GARNL3: variants seen among roughly 807,000 people sequenced by gnomAD.
The protein encoded by GARNL3 is GTPase activating Rap/RanGAP domain like 3.
Under a neutral mutation model 125.0 loss-of-function variants are expected in GARNL3, and 63 were observed. The ratio of observed to expected loss-of-function variants is 0.50; its 90% confidence interval spans 0.41 to 0.62. The LOEUF is 0.62. Among genes scored for constraint, GARNL3 ranks in the 20% least tolerant of loss-of-function variants. GARNL3 has a pLI of 0.00. For synonymous variants in GARNL3, 439 were observed against 457.5 expected, an observed-to-expected ratio of 0.96 and a Z score of 0.52; for missense variants, 994 against 1,244.0, an observed-to-expected ratio of 0.80 and a Z score of 3.02.
chr9:127,359,512 C>G (rs1188439915), intron 21 of GARNL3, among the ~76,000 whole-genome samples: 1 of 152,050 alleles, frequency 6.6e-6, no homozygotes, highest in Non-Finnish European at 1.5e-5. Context: ...AGTTCTCACC[C>G]CCTTCTTCCT....
At chr9:127,377,223 A>G (rs923275111) in intron 22 of GARNL3, among the ~76,000 whole-genome samples, 3 of 152,242 alleles carry the variant, frequency 2.0e-5, no homozygotes, top group Non-Finnish European at 4.4e-5. Flanking sequence ...AATACAACAG[A>G]ATAAAGTCCA....
chr9:127,260,313 G>A (rs1414575360), upstream of GARNL3, among the ~76,000 whole-genome samples: 2 of 152,216 alleles, frequency 1.3e-5, no homozygotes, highest in East Asian at 3.9e-4. Context: ...AGCATTGTTT[G>A]TGGACCGCCT....
intron 1 of GARNL3, among the ~76,000 whole-genome samples, chr9:127,238,661 T>G (rs896848367): frequency 5.9e-5 from 9 of 152,232 alleles, no homozygotes; most frequent in Admixed American, 5.2e-4. Context: ...TCCTACCTTA[T>G]TCTGGGATAT....
rs137954051 is a variant in GARNL3 at position 127,324,995 on chromosome 9, T to G, written c.568-74T>G. Reference sequence around the variant, plus strand: ...ATGTCAGTGTGAGCAAACCAAAGCTTGGCTTTCACAGCAAGTCAAAATGAA... The same window carrying G: ...ATGTCAGTGTGAGCAAACCAAAGCTGGGCTTTCACAGCAAGTCAAAATGAA... On this transcript the variant is annotated intron_variant, in intron 6 of 27. Coordinates refer to ENST00000373387, the MANE Select transcript of GARNL3 (RefSeq NM_032293.5). 170 of 1,427,768 alleles carry G rather than the reference T, an allele frequency of 1.2e-4. No individual in the cohort carries two copies. The East Asian group carries it at 3.7e-3, about 31-fold the overall frequency. The allele number at this position is 1,427,768 out of a possible 1,614,324, so 88.4% of individuals were successfully genotyped here.
At chr9:127,319,099 G>C (rs2065321449) in intron 5 of GARNL3, among the ~76,000 whole-genome samples, 1 of 152,112 alleles carries the variant, frequency 6.6e-6, no homozygotes, top group African/African-American at 2.4e-5. Flanking sequence ...GTGTTCCCAG[G>C]TGACACCTAA....
chr9:127,383,395 T>C (rs1456036574), intron 22 of GARNL3, 43 bp from the exon 23 acceptor site: 1 of 1,207,018 alleles, frequency 8.3e-7, no homozygotes, highest in Non-Finnish European at 1.2e-6. Flanking sequence ...GTCATCTAAG[T>C]GTTGTCTCTA....
At chr9:127,283,686 A>C (rs184883454) in intron 1 of GARNL3, among the ~76,000 whole-genome samples, 1 of 152,200 alleles carries the variant, frequency 6.6e-6, no homozygotes, top group East Asian at 1.9e-4. Flanking sequence ...TAAAAAATAA[A>C]ATTTAATTTA....
intron 16 of GARNL3, among the ~76,000 whole-genome samples, chr9:127,346,138 A>G (rs1270775610): frequency 6.6e-6 from 1 of 152,196 alleles, no homozygotes; most frequent in Admixed American, 6.5e-5. Context: ...GGGGGTAAAA[A>G]CTAGGTGATC....
At chr9:127,351,494 A>G (rs1424675288) in intron 17 of GARNL3, among the ~76,000 whole-genome samples, 2 of 151,902 alleles carry the variant, frequency 1.3e-5, no homozygotes, top group African/African-American at 4.8e-5. Context: ...AAGAAGAAGA[A>G]TCTTCAGGGC....
chr9:127,386,164 G>A (rs1832532449), intron 24 of GARNL3, among the ~76,000 whole-genome samples: 1 of 152,076 alleles, frequency 6.6e-6, no homozygotes, highest in Non-Finnish European at 1.5e-5. Context: ...TTTTACACTT[G>A]GAGTTATATC....
Position 127,380,397 on chromosome 9 carries a change from A to G in GARNL3, c.2162-3041A>G, listed in dbSNP as rs143940307. 2.9e-3 allele frequency among the ~76,000 whole-genome samples: 435 copies of G among 152,352 alleles called. 5 individuals carry two copies. The East Asian group carries it at 0.054, about 19-fold the overall frequency. ...GATACAAAGTATTTAACAGTAAATA[A>G]CATTCTGAATAAAATAAAATCATGT... is the stretch of plus-strand genomic sequence containing the variant. On this transcript the variant is annotated intron_variant, in intron 22 of 27. Coordinates refer to ENST00000373387, the MANE Select transcript of GARNL3 (RefSeq NM_032293.5).
In GARNL3 at chr9:127,362,642, T is replaced by C. The variant is rs372497757; in HGVS notation, c.2095-2658T>C. 7.9e-5 allele frequency: 12 copies of C among 152,372 alleles called. No homozygotes were observed. In the East Asian group the frequency reaches 1.4e-3, roughly 17 times the overall value. 9.4% of individuals were successfully genotyped at this position (152,372 alleles called of 1,614,324 possible). A position where few individuals can be genotyped will look rare whatever the true frequency, so the allele number is the denominator to read the frequency against. On this transcript the variant is annotated intron_variant, in intron 21 of 27. Coordinates refer to ENST00000373387, the MANE Select transcript of GARNL3 (RefSeq NM_032293.5). ...CTGAGATAGTGAAGTAAAACTAACATGTACAGGGACATCTGAGGAGGAAGG... is the reference window on the plus strand; with the variant it reads ...CTGAGATAGTGAAGTAAAACTAACACGTACAGGGACATCTGAGGAGGAAGG...
intron 2 of GARNL3, among the ~76,000 whole-genome samples, chr9:127,292,469 G>A (rs913398110): frequency 5.3e-5 from 8 of 152,222 alleles, no homozygotes; most frequent in Non-Finnish European, 8.8e-5. Context: ...GCTCTCCAGT[G>A]CTTGGAAAGC....
chr9:127,377,144 T>C (rs914697537), intron 22 of GARNL3, among the ~76,000 whole-genome samples: 2 of 152,214 alleles, frequency 1.3e-5, no homozygotes, highest in Non-Finnish European at 2.9e-5. Flanking sequence ...TTCTTTAACA[T>C]TATAATTTAT....
chr9:127,373,417 TAC>T (rs1389341060), intron 22 of GARNL3, among the ~76,000 whole-genome samples: 3 of 152,196 alleles, frequency 2.0e-5, no homozygotes, highest in African/African-American at 4.8e-5. Flanking sequence ...CAAGATAATT[TAC>T]AGTGATTTGG....
intron 1 of GARNL3, among the ~76,000 whole-genome samples, chr9:127,241,104 C>A (rs1033074808): frequency 1.1e-4 from 17 of 152,186 alleles, no homozygotes; most frequent in African/African-American, 4.1e-4. Context: ...GCTACCCAGT[C>A]GGACAGCTCA....
chr9:127,378,901 G>A lies in GARNL3; in HGVS notation c.2162-4537G>A, dbSNP rs147190747. On this transcript the variant is annotated intron_variant, in intron 22 of 27. Coordinates refer to ENST00000373387, the MANE Select transcript of GARNL3 (RefSeq NM_032293.5). ...AGTGATTCTCCCACCTCAGCCTCCC[G>A]AGTAGCTGGGATTACAGGTCCCCAC... is the stretch of plus-strand genomic sequence containing the variant. Among the ~76,000 whole-genome samples the A allele has an allele frequency of 4.9e-3, 744 of 152,152 alleles. 6 individuals carry two copies. The highest frequency in any genetic ancestry group is 0.017 in the African/African-American group (714 of 41,502).
intron 1 of GARNL3, among the ~76,000 whole-genome samples, chr9:127,290,173 C>CTCT (rs1467798739): frequency 6.6e-6 from 1 of 152,210 alleles, no homozygotes; most frequent in African/African-American, 2.4e-5. Flanking sequence ...CAAAAGAATG[C>CTCT]ATGGCATTCA....
chr9:127,251,178 C>G (rs2063395346), intron 2 of GARNL3, among the ~76,000 whole-genome samples: 1 of 152,164 alleles, frequency 6.6e-6, no homozygotes, highest in African/African-American at 2.4e-5. Context: ...CTGCCCTGCC[C>G]TAAATTCACC....
Sources: gnomAD v4.1 joint callset for allele counts (sites outside exome capture counted in the v4.1 genomes callset) on GRCh38, gnomAD v4.1.1 for gene constraint, MANE v1.5 for transcripts, NCBI Gene and HGNC (gene_info 2026-07-23, HGNC 2026-07-21) for gene names.